CSMD1: variants seen among roughly 807,000 people sequenced by gnomAD.
CSMD1 encodes the protein CUB and sushi domain-containing protein 1.
A neutral mutation model predicts 417.5 loss-of-function variants in CSMD1; 213 were observed. The observed-to-expected ratio is 0.51, with a 90% CI of 0.46 to 0.57. CSMD1 has a LOEUF of 0.57. CSMD1 is among the 20% of genes least tolerant of loss of function. The pLI is 0.00. For missense variants in CSMD1, 6,923 were observed against 4,529.7 expected, an observed-to-expected ratio of 1.53 and a Z score of -15.17; for synonymous variants, 2,862 against 1,736.8, an observed-to-expected ratio of 1.65 and a Z score of -16.11.
intron 1 of CSMD1, among the ~76,000 whole-genome samples, chr8:4,809,358 C>T (rs958556076): frequency 6.6e-6 from 1 of 152,168 alleles, no homozygotes; most frequent in African/African-American, 2.4e-5. Context: ...GATGAAACAA[C>T]TGCTTCTAAA....
intron 2 of CSMD1, among the ~76,000 whole-genome samples, chr8:4,578,332 A>AATTTTT (rs1799238701): frequency 2.1e-5 from 1 of 48,776 alleles, no homozygotes; most frequent in African/African-American, 7.6e-5. Context: ...CACCCGGCTC[A>AATTTTT]TTTTTTTTTT....
intron 10 of CSMD1, among the ~76,000 whole-genome samples, chr8:3,526,391 C>T (rs753427644): frequency 3.3e-5 from 5 of 151,920 alleles, no homozygotes; most frequent in African/African-American, 2.4e-5. Context: ...TTCTTCAATC[C>T]TAAATATATT....
intron 2 of CSMD1, among the ~76,000 whole-genome samples, chr8:4,537,924 T>C (rs762346586): frequency 1.3e-5 from 2 of 152,216 alleles, no homozygotes; most frequent in Non-Finnish European, 2.9e-5. Flanking sequence ...GAGAAAAGCA[T>C]TAACTTCATT....
chr8:4,572,996 T>G (rs1798959919), intron 2 of CSMD1, among the ~76,000 whole-genome samples: 1 of 152,188 alleles, frequency 6.6e-6, no homozygotes, highest in South Asian at 2.1e-4. Context: ...TCTAAACTAG[T>G]TATTCAAGTG....
intron 3 of CSMD1, among the ~76,000 whole-genome samples, chr8:4,108,363 C>G (rs1293442778): frequency 6.6e-6 from 1 of 151,986 alleles, no homozygotes; most frequent in East Asian, 1.9e-4. Flanking sequence ...AAGATCTCAC[C>G]CCGGGTATCT....
At chr8:4,848,710 T>C (rs917551054) in intron 1 of CSMD1, among the ~76,000 whole-genome samples, 9 of 152,114 alleles carry the variant, frequency 5.9e-5, no homozygotes, top group Non-Finnish European at 1.3e-4. Flanking sequence ...CAGCTAATTT[T>C]TGTATATTTT....
intron 3 of CSMD1, among the ~76,000 whole-genome samples, chr8:4,092,529 G>C (rs1434611533): frequency 6.6e-6 from 1 of 152,206 alleles, no homozygotes; most frequent in East Asian, 1.9e-4. Context: ...AAAAAGAATA[G>C]AAGTATTTTG....
At chr8:3,264,173 T>C (rs1563201522) in intron 26 of CSMD1, among the ~76,000 whole-genome samples, 1 of 152,214 alleles carries the variant, frequency 6.6e-6, no homozygotes, top group Non-Finnish European at 1.5e-5. Context: ...AATCTGTATA[T>C]TGACACAAGG....
intron 11 of CSMD1, among the ~76,000 whole-genome samples, chr8:3,471,321 C>T (rs1267627563): frequency 6.6e-6 from 1 of 152,158 alleles, no homozygotes; most frequent in Non-Finnish European, 1.5e-5. Context: ...ATACTGAAAA[C>T]TCTCTTGATA....
chr8:3,249,493 G>C (rs1800117727), intron 26 of CSMD1, among the ~76,000 whole-genome samples: 1 of 151,988 alleles, frequency 6.6e-6, no homozygotes, highest in African/African-American at 2.4e-5. Context: ...CAAAATGCTG[G>C]GATTACAGAC....
chr8:4,002,922 C>T (rs975277319), intron 4 of CSMD1, among the ~76,000 whole-genome samples: 11 of 152,102 alleles, frequency 7.2e-5, no homozygotes, highest in Non-Finnish European at 4.4e-5. Context: ...TAAGCATTAT[C>T]TCAACTAAAC....
chr8:3,877,215 C>T (rs375089475), intron 5 of CSMD1, among the ~76,000 whole-genome samples: 1 of 152,078 alleles, frequency 6.6e-6, no homozygotes, highest in African/African-American at 2.4e-5. Flanking sequence ...GGGCTCAGCA[C>T]CCCACACTGC....
At chr8:4,545,290 T>C (rs2130535795) in intron 2 of CSMD1, among the ~76,000 whole-genome samples, 1 of 152,348 alleles carries the variant, frequency 6.6e-6, no homozygotes, top group South Asian at 2.1e-4. Context: ...GAAATACTTG[T>C]TGCAAAATGA....
chr8:4,893,781 C>T (rs1028593342), intron 1 of CSMD1, among the ~76,000 whole-genome samples: 1 of 152,078 alleles, frequency 6.6e-6, no homozygotes, highest in Non-Finnish European at 1.5e-5. Flanking sequence ...GAGCCAATGT[C>T]ACATTGTTCA....
At chr8:3,850,278 C>T (rs891725878) in intron 5 of CSMD1, among the ~76,000 whole-genome samples, 3 of 152,170 alleles carry the variant, frequency 2.0e-5, no homozygotes, top group African/African-American at 7.2e-5. Context: ...TCAATATGTG[C>T]ACAGTGTTCT....
chr8:4,295,336 A>T (rs1050778136), intron 3 of CSMD1, among the ~76,000 whole-genome samples: 10 of 125,644 alleles, frequency 8.0e-5, no homozygotes, highest in African/African-American at 2.1e-4. Context: ...ATATAATCTT[A>T]AGATTATGCA....
chr8:4,022,186 A>ATATTTATG (rs1796823567), intron 4 of CSMD1, among the ~76,000 whole-genome samples: 1 of 146,708 alleles, frequency 6.8e-6, no homozygotes, highest in African/African-American at 2.5e-5. Context: ...ATTTATGTGT[A>ATATTTATG]TATATATATA....
chr8:4,797,811 A>T (rs573161467), intron 1 of CSMD1, among the ~76,000 whole-genome samples: 1 of 152,178 alleles, frequency 6.6e-6, no homozygotes, highest in East Asian at 1.9e-4. Flanking sequence ...ACTTGTGCTC[A>T]TGTAACAAAA....
At position 3,491,960 on chromosome 8, in the gene CSMD1, T is replaced by TC. The variant is rs1818403809; in HGVS notation, c.1448+1662dup. ...CGGAGGCTTGCTCACAGCCCAGAGG[T>TC]CCCGGCCTCCACCCAATTTATTGGT... On this transcript the variant is annotated intron_variant, in intron 11 of 69. Transcript: ENST00000635120. Among the ~76,000 whole-genome samples, 4 of 152,138 alleles carry TC rather than the reference T, an allele frequency of 2.6e-5. No individual in the cohort carries two copies. In the South Asian group the frequency reaches 8.3e-4, roughly 32 times the overall value.
Sources: gnomAD v4.1 joint callset for allele counts (sites outside exome capture counted in the v4.1 genomes callset) on GRCh38, gnomAD v4.1.1 for gene constraint, MANE v1.5 for transcripts, NCBI Gene and HGNC (gene_info 2026-07-23, HGNC 2026-07-21) for gene names.